Variants in SERPINB10 observed in about 807,000 individuals in gnomAD.
SERPINB10 encodes the protein serpin family B member 10, also known as serpin B10.
SERPINB10 carries 35 observed loss-of-function variants against 39.1 expected under a neutral mutation model. The observed-to-expected ratio is 0.90, with a 90% CI of 0.68 to 1.19. The LOEUF is 1.19. Among genes scored for constraint, SERPINB10 ranks in the 50% most tolerant of loss-of-function variants. SERPINB10 has a pLI of 0.00. For synonymous variants in SERPINB10, 190 were observed against 158.1 expected (o/e 1.20, Z -1.52); for missense variants, 546 against 460.5 (o/e 1.19, Z -1.70).
chr18:63,915,568 G>C lies in SERPINB10; in HGVS notation c.58G>C (p.Ala20Pro), dbSNP rs1447982413. 2 of 1,612,492 alleles carry C rather than the reference G, an allele frequency of 1.2e-6. No individual in the cohort carries two copies. The stretch of plus-strand genomic sequence containing the variant: ...TGCCCTGGAGTTGAGCAAAAAGCTA[G>C]CTGAATCTGCTCAGGGTAAAAATAT... The part of the protein sequence containing the change: ...QFALELSKKL[A>P]ESAQGKNIFF... The change falls in exon 2 of 8, where the codon GCT (alanine) becomes CCT (proline). Residue 20 changes from alanine (A) to proline (P), a missense_variant. By Grantham distance (27) the Ala-to-Pro change is conservative. Coordinates refer to ENST00000238508, the MANE Select transcript of SERPINB10 (RefSeq NM_005024.3).
chr18:63,927,017 T>C (rs1038195097), intron 5 of SERPINB10, among the ~76,000 whole-genome samples: 2 of 151,968 alleles, frequency 1.3e-5, no homozygotes, highest in African/African-American at 4.8e-5. Flanking sequence ...GTTTTCATTG[T>C]TTTTTAGTTG....
At position 63,925,457 on chromosome 18, in the gene SERPINB10, T is replaced by G. The variant is rs138993876; in HGVS notation, c.491-4588T>G. Among the ~76,000 whole-genome samples the G allele has an allele frequency of 8.6e-3, 1,304 of 152,092 alleles. 67 individuals are homozygous for G. Among genetic ancestry groups the G allele is most frequent in the Admixed American group, 0.072 (1,091 of 15,236 alleles). ...AGCGAAGTACAAGATAAGGACTTTTTGTGGTGACAGAATGTAAGGAAATGC... is the reference window on the plus strand; with the variant it reads ...AGCGAAGTACAAGATAAGGACTTTTGGTGGTGACAGAATGTAAGGAAATGC... On this transcript the variant is annotated intron_variant, in intron 5 of 7. Transcript: ENST00000238508.
intron 1 of SERPINB10, among the ~76,000 whole-genome samples, chr18:63,914,891 G>A (rs1225074610): frequency 2.0e-5 from 3 of 152,018 alleles, no homozygotes; most frequent in Admixed American, 6.6e-5. Context: ...TGTTCCAGAA[G>A]ACTAGTTTCA....
intron 1 of SERPINB10, among the ~76,000 whole-genome samples, chr18:63,909,825 G>C (rs1386817469): frequency 1.3e-5 from 2 of 152,030 alleles, no homozygotes; most frequent in Admixed American, 6.6e-5. Context: ...GAGCCTTAAA[G>C]GAAATACAGA....
intron 1 of SERPINB10, among the ~76,000 whole-genome samples, chr18:63,910,159 T>C (rs528959115): frequency 1.6e-4 from 25 of 152,130 alleles, no homozygotes; most frequent in African/African-American, 6.0e-4. Flanking sequence ...TATTTGAGTA[T>C]AGAGAATTCC....
rs542896603 is a variant in SERPINB10, at chr18:63,932,749, C to T, written c.634-299C>T. On this transcript the variant is annotated intron_variant, in intron 6 of 7. Coordinates refer to ENST00000238508, the MANE Select transcript of SERPINB10 (RefSeq NM_005024.3). ...TATGCCTTAGTTTTTGGATTATTGG[C>T]ATTTCCATAATTTACACAAGATCAT... Among the ~76,000 whole-genome samples, 3 of 152,248 alleles carry T rather than the reference C, an allele frequency of 2.0e-5. No individual in the cohort carries two copies. In the South Asian group the frequency reaches 6.2e-4, roughly 32 times the overall value.
intron 1 of SERPINB10, among the ~76,000 whole-genome samples, chr18:63,909,892 A>G (rs928710702): frequency 2.6e-5 from 4 of 152,210 alleles, no homozygotes; most frequent in African/African-American, 9.6e-5. Context: ...GCAAATATTC[A>G]ATATTTTATG....
intron 1 of SERPINB10, among the ~76,000 whole-genome samples, chr18:63,911,516 C>T (rs4609952): frequency 0.26 from 39,264 of 151,854 alleles, 5,700 homozygotes; most frequent in African/African-American, 0.39. Context: ...GCTATCCCAG[C>T]ATCATTTATT....
intron 6 of SERPINB10, among the ~76,000 whole-genome samples, chr18:63,931,001 TG>T (rs1281145513): frequency 1.3e-5 from 2 of 152,090 alleles, no homozygotes; most frequent in Non-Finnish European, 2.9e-5. Context: ...GGGGTGAGGA[TG>T]GGGAAGAAAC....
Position 63,917,446 on chromosome 18 carries a change from G to A in SERPINB10, c.169-10G>A, listed in dbSNP as rs770544414. 86 of 1,529,244 alleles carry A rather than the reference G, an allele frequency of 5.6e-5. 2 individuals are homozygous for A. The highest frequency in any genetic ancestry group is 5.2e-4 in the South Asian group (43 of 82,224). 94.7% of individuals were successfully genotyped at this position (1,529,244 alleles called of 1,614,324 possible). ...CAGTCTATTCATTTGTATTTTTATT[G>A]AAATTACAGGTGCTTCAATTTAACA... is the stretch of plus-strand genomic sequence containing the variant. On this transcript the variant is annotated splice_polypyrimidine_tract_variant and intron_variant, in intron 2 of 7. Coordinates refer to ENST00000238508, the MANE Select transcript of SERPINB10 (RefSeq NM_005024.3).
At position 63,919,881 on chromosome 18, in the gene SERPINB10, T is replaced by C; in HGVS notation, c.466T>C (p.Ser156Pro). Residue 156 changes from serine to proline, a missense_variant, in exon 5 of 8, where the codon TCT becomes CCT. Ser to Pro is a moderately conservative substitution (Grantham distance 74). Coordinates refer to ENST00000238508, the MANE Select transcript of SERPINB10 (RefSeq NM_005024.3). ...ASDQIRKDIN[S>P]WVERQTEGKI... The stretch of plus-strand genomic sequence containing the variant: ...TGATCAAATCAGAAAGGACATCAAC[T>C]CTTGGGTTGAAAGACAGACCGAGGG... The C allele has an allele frequency of 6.2e-7, 1 of 1,609,166 alleles. No homozygotes were observed. The highest frequency in any genetic ancestry group is 2.2e-5 in the East Asian group (1 of 44,704).
At chr18:63,918,661 G>A (rs2050122917) in intron 4 of SERPINB10, among the ~76,000 whole-genome samples, 1 of 151,978 alleles carries the variant, frequency 6.6e-6, no homozygotes, top group Non-Finnish European at 1.5e-5. Flanking sequence ...TAGGGTAGAA[G>A]AATAGCAATA....
intron 1 of SERPINB10, among the ~76,000 whole-genome samples, chr18:63,909,409 T>C (rs1314352224): frequency 6.6e-6 from 1 of 152,076 alleles, no homozygotes; most frequent in African/African-American, 2.4e-5. Flanking sequence ...GGGTTAAATA[T>C]CACTAATGGA....
chr18:63,928,727 G>A (rs2050197806), intron 5 of SERPINB10, among the ~76,000 whole-genome samples: 1 of 151,948 alleles, frequency 6.6e-6, no homozygotes, highest in African/African-American at 2.4e-5. Flanking sequence ...TCCTTGAGCA[G>A]TGGTTTGTAG....
chr18:63,914,387 A>G (rs754427829), intron 1 of SERPINB10, among the ~76,000 whole-genome samples: 17 of 152,070 alleles, frequency 1.1e-4, no homozygotes, highest in South Asian at 2.1e-4. Context: ...AGTAACAGGT[A>G]TCATTCTTTT....
chr18:63,911,189 T>C (rs2050061801), intron 1 of SERPINB10, among the ~76,000 whole-genome samples: 1 of 152,144 alleles, frequency 6.6e-6, no homozygotes. Flanking sequence ...ATTAAACTTT[T>C]GTCAGTGGAA....
intron 5 of SERPINB10, among the ~76,000 whole-genome samples, chr18:63,920,988 T>C (rs17072157): frequency 0.016 from 2,383 of 152,098 alleles, 72 homozygotes; most frequent in African/African-American, 0.053. Flanking sequence ...TATCTATGAT[T>C]ACACAGTTTA....
At chr18:63,925,283 C>T (rs1041082881) in intron 5 of SERPINB10, among the ~76,000 whole-genome samples, 1 of 151,892 alleles carries the variant, frequency 6.6e-6, no homozygotes, top group Non-Finnish European at 1.5e-5. Flanking sequence ...GCATACATTT[C>T]CTAGCCCCAT....
At chr18:63,910,956 C>T (rs1386205740) in intron 1 of SERPINB10, among the ~76,000 whole-genome samples, 1 of 151,902 alleles carries the variant, frequency 6.6e-6, no homozygotes, top group Non-Finnish European at 1.5e-5. Flanking sequence ...ATCAGCATCT[C>T]TTGTTTTTTG....
Sources: gnomAD v4.1 joint callset for allele counts (sites outside exome capture counted in the v4.1 genomes callset) on GRCh38, gnomAD v4.1.1 for gene constraint, MANE v1.5 for transcripts, NCBI Gene and HGNC (gene_info 2026-07-23, HGNC 2026-07-21) for gene names.